ALPK1: variants seen among roughly 807,000 people sequenced by gnomAD.
ALPK1 encodes alpha-protein kinase 1.
A neutral mutation model predicts 120.6 loss-of-function variants in ALPK1; 110 were observed. That is an observed-to-expected ratio of 0.91 (90% CI 0.78 to 1.07). The LOEUF (loss-of-function observed/expected upper bound fraction) is 1.07. Ranked by LOEUF, ALPK1 falls within the 50% of genes least tolerant of loss-of-function variation. The pLI, the probability that ALPK1 is intolerant of heterozygous loss-of-function variation, is 0.00. For synonymous variants in ALPK1, 582 were observed against 560.3 expected (o/e 1.04, Z -0.55); for missense variants, 1,498 against 1,483.9 (o/e 1.01, Z -0.16).
At chr4:112,395,364 C>T (rs1560668762) in intron 4 of ALPK1, among the ~76,000 whole-genome samples, 2 of 152,212 alleles carry the variant, frequency 1.3e-5, no homozygotes, top group African/African-American at 2.4e-5. Flanking sequence ...TTAAGCTCAA[C>T]AAATTCATAG....
rs192303626 is a variant in ALPK1 at position 112,344,783 on chromosome 4, A to G, written c.-101+28931A>G. 2.8e-3 allele frequency among the ~76,000 whole-genome samples: 419 copies of G among 152,336 alleles called. 8 individuals are homozygous for G. Among genetic ancestry groups the G allele is most frequent in the Non-Finnish European group, 1.0e-3 (70 of 68,026 alleles). ...GTGGGGATCATAAAGCCAATATCAC[A>G]AAGTTTTGTGTCTGAGGTGCACAGC... On this transcript the variant is annotated intron_variant, in intron 2 of 15. Transcript: ENST00000650871.
chr4:112,388,221 GA>G (rs978737868), intron 4 of ALPK1, among the ~76,000 whole-genome samples: 33 of 152,276 alleles, frequency 2.2e-4, no homozygotes, highest in African/African-American at 7.7e-4. Context: ...TAAGATGTTA[GA>G]GGGGTGAGAT....
chr4:112,364,489 A>G (rs931449316), intron 2 of ALPK1, among the ~76,000 whole-genome samples: 1 of 152,126 alleles, frequency 6.6e-6, no homozygotes, highest in Non-Finnish European at 1.5e-5. Flanking sequence ...CTAGAAATAT[A>G]CAACCCTCCT....
At chr4:112,351,039 C>T (rs1730329898) in intron 2 of ALPK1, among the ~76,000 whole-genome samples, 1 of 152,212 alleles carries the variant, frequency 6.6e-6, no homozygotes, top group Non-Finnish European at 1.5e-5. Context: ...CTCACCTTGA[C>T]CTGAGATGTC....
At chr4:112,298,034 C>T (rs1334864279) in intron 1 of ALPK1, among the ~76,000 whole-genome samples, 1 of 151,982 alleles carries the variant, frequency 6.6e-6, no homozygotes, top group Non-Finnish European at 1.5e-5. Flanking sequence ...ACAAAGCATC[C>T]AGAAAAATTA....
chr4:112,399,595 TTTTAC>T (rs1732815984), intron 4 of ALPK1, among the ~76,000 whole-genome samples: 1 of 152,126 alleles, frequency 6.6e-6, no homozygotes, highest in Non-Finnish European at 1.5e-5. Context: ...CTTTTTTTTA[TTTTAC>T]TTTAAGTTCT....
At chr4:112,371,256 G>A (rs971936441) in intron 2 of ALPK1, among the ~76,000 whole-genome samples, 1 of 152,066 alleles carries the variant, frequency 6.6e-6, no homozygotes, top group African/African-American at 2.4e-5. Flanking sequence ...CCTAACGTAC[G>A]CACTACAGCT....
intron 4 of ALPK1, among the ~76,000 whole-genome samples, chr4:112,399,314 T>A (rs1732803270): frequency 6.6e-6 from 1 of 152,166 alleles, no homozygotes; most frequent in African/African-American, 2.4e-5. Flanking sequence ...TTTTCTTTTT[T>A]AAAGAGGGAT....
At chr4:112,402,935 A>G (rs1354025800) in intron 4 of ALPK1, among the ~76,000 whole-genome samples, 2 of 152,090 alleles carry the variant, frequency 1.3e-5, no homozygotes, top group East Asian at 3.9e-4. Flanking sequence ...TAAAAACCCA[A>G]ACAAAAAGAA....
At chr4:112,413,602 A>G (rs375405339) in intron 5 of ALPK1, among the ~76,000 whole-genome samples, 74 of 152,080 alleles carry the variant, frequency 4.9e-4, no homozygotes, top group South Asian at 1.2e-3. Context: ...TATTTTTTGT[A>G]AAGACTGGGT....
chr4:112,349,101 C>T (rs1730218393), intron 2 of ALPK1, among the ~76,000 whole-genome samples: 1 of 150,798 alleles, frequency 6.6e-6, no homozygotes, highest in Admixed American at 6.6e-5. Flanking sequence ...ACATCTTTTT[C>T]CCTGAAAAAG....
intron 2 of ALPK1, among the ~76,000 whole-genome samples, chr4:112,368,062 C>A (rs545281156): frequency 1.3e-5 from 2 of 152,152 alleles, no homozygotes; most frequent in Admixed American, 6.5e-5. Flanking sequence ...TGCACCACCA[C>A]GCGCACCACC....
chr4:112,437,976 A>G (rs1734858720), intron 12 of ALPK1, among the ~76,000 whole-genome samples: 1 of 152,256 alleles, frequency 6.6e-6, no homozygotes. Flanking sequence ...CTTGAAATAT[A>G]CAAATCATGT....
At position 112,431,330 on chromosome 4, in the gene ALPK1, T is replaced by C; in HGVS notation, c.1783T>C (p.Trp595Arg). 6.2e-7 allele frequency: 1 copy of C among 1,614,166 alleles called. No homozygotes were observed. Among genetic ancestry groups the C allele is most frequent in the South Asian group, 1.1e-5 (1 of 91,082 alleles). Reference sequence around the variant, plus strand: ...ATCAGGGTTTAGTTCCTCTGCAAGCTGGGAGGAAGTGAATTATCACGTTGA... The same window carrying C: ...ATCAGGGTTTAGTTCCTCTGCAAGCCGGGAGGAAGTGAATTATCACGTTGA... ...NLSGFSSSASWEEVNYHVDDR... is the reference protein window; with the variant it reads ...NLSGFSSSASREEVNYHVDDR... The change falls in exon 11 of 16, where the codon TGG becomes CGG. Residue 595 changes from tryptophan to arginine, a missense_variant. Coordinates refer to ENST00000650871, the MANE Select transcript of ALPK1 (RefSeq NM_025144.4).
chr4:112,317,844 T>C (rs1010058739), intron 2 of ALPK1, among the ~76,000 whole-genome samples: 2 of 152,194 alleles, frequency 1.3e-5, no homozygotes, highest in African/African-American at 4.8e-5. Flanking sequence ...AATTATTACA[T>C]ATATATACCA....
intron 14 of ALPK1, 64 bp downstream of exon 14, chr4:112,439,936 A>G: frequency 7.3e-7 from 1 of 1,361,324 alleles, no homozygotes; most frequent in Non-Finnish European, 9.9e-7. Flanking sequence ...TTTTGTAACT[A>G]GCTTCCCTAA....
chr4:112,431,033 G>A lies in ALPK1; in HGVS notation c.1486G>A (p.Glu496Lys). 6.2e-7 allele frequency: 1 copy of A among 1,612,916 alleles called. No individual in the cohort carries two copies. The highest frequency in any genetic ancestry group is 8.5e-7 in the Non-Finnish European group (1 of 1,179,708). The change falls in exon 11 of 16, where the codon GAA (glutamate) becomes AAA (lysine). Residue 496 changes from glutamate (E) to lysine (K), a missense_variant. Transcript: ENST00000650871. The part of the protein sequence containing the change: ...TGVCITALKT[E>K]IKNIDTVSTT... ...AGTCTGCATCACTGCTCTAAAAACAGAAATAAAAAACATAGATACTGTGAG... is the reference window on the plus strand; with the variant it reads ...AGTCTGCATCACTGCTCTAAAAACAAAAATAAAAAACATAGATACTGTGAG...
At chr4:112,360,641 G>A (rs773877062) in intron 2 of ALPK1, among the ~76,000 whole-genome samples, 99 of 152,142 alleles carry the variant, frequency 6.5e-4, no homozygotes, top group Admixed American at 2.0e-4. Context: ...TCTGCTTGAC[G>A]CTCAAGCCCT....
Position 112,356,863 on chromosome 4 carries a change from G to A in ALPK1, c.-100-20815G>A, listed in dbSNP as rs959319094. On this transcript the variant is annotated intron_variant, in intron 2 of 15. Transcript: ENST00000650871. ...CACACAACATTGACCTTAAGGGGAC[G>A]GTCGTGATCTTTGATGAAACTCACA... 1.4e-5 allele frequency: 10 copies of A among 737,016 alleles called. No homozygotes were observed. In the East Asian group the frequency reaches 2.2e-4, roughly 16 times the overall value. 45.7% of individuals were successfully genotyped at this position (737,016 alleles called of 1,614,324 possible). A position where few individuals can be genotyped will look rare whatever the true frequency, so the allele number is the denominator to read the frequency against.
Sources: gnomAD v4.1 joint callset for allele counts (sites outside exome capture counted in the v4.1 genomes callset) on GRCh38, gnomAD v4.1.1 for gene constraint, MANE v1.5 for transcripts, NCBI Gene and HGNC (gene_info 2026-07-23, HGNC 2026-07-21) for gene names.